Variants in CHN2 observed in about 807,000 individuals in gnomAD.
The protein encoded by CHN2 is beta-chimaerin.
Under a neutral mutation model 56.3 loss-of-function variants are expected in CHN2, and 35 were observed. The observed-to-expected ratio is 0.62, with a 90% confidence interval of 0.47 to 0.82. The LOEUF (loss-of-function observed/expected upper bound fraction) is 0.82, where lower values mean the gene tolerates loss of function less well. CHN2 is among the 40% of genes least tolerant of loss of function. The pLI is 0.00. For synonymous variants in CHN2, 210 were observed against 212.8 expected (o/e 0.99, Z 0.12); for missense variants, 491 against 580.5 (o/e 0.85, Z 1.58).
rs190194991 is a variant in CHN2 at position 29,212,925 on chromosome 7, G to C, written c.49+17935G>C. On this transcript the variant is annotated intron_variant, in intron 1 of 12. Coordinates refer to ENST00000222792, the MANE Select transcript of CHN2 (RefSeq NM_004067.4). ...GGAACAATTCATCCTGGAGCAACCA[G>C]ACCCAGAACATCTAGTGCTGGAGCA... The C allele has an allele frequency of 2.1e-4, 334 of 1,559,140 alleles. 2 individuals carry two copies. The African/African-American group carries it at 4.0e-3, about 19-fold the overall frequency.
At chr7:29,427,228 A>C (rs1804956898) in intron 6 of CHN2, among the ~76,000 whole-genome samples, 1 of 152,152 alleles carries the variant, frequency 6.6e-6, no homozygotes, top group Admixed American at 6.5e-5. Context: ...AGGCACAAGA[A>C]TCTCTTCAAC....
chr7:29,331,021 G>A (rs1343400987), intron 1 of CHN2, among the ~76,000 whole-genome samples: 1 of 152,216 alleles, frequency 6.6e-6, no homozygotes, highest in African/African-American at 2.4e-5. Flanking sequence ...CAGAGACAGA[G>A]TTATGGAAAA....
chr7:29,460,264 C>T (rs1434540319), intron 6 of CHN2, among the ~76,000 whole-genome samples: 1 of 152,160 alleles, frequency 6.6e-6, no homozygotes, highest in Non-Finnish European at 1.5e-5. Context: ...TCAAATAGAG[C>T]TTGCCACAGG....
At chr7:29,189,685 C>T (rs1053647765) in intron 2 of CHN2, among the ~76,000 whole-genome samples, 2 of 152,072 alleles carry the variant, frequency 1.3e-5, no homozygotes, top group African/African-American at 4.8e-5. Flanking sequence ...CTCTCGGCCC[C>T]CCACCCCCTA....
chr7:29,333,907 C>T (rs553612870), intron 1 of CHN2, among the ~76,000 whole-genome samples: 12 of 152,056 alleles, frequency 7.9e-5, no homozygotes, highest in African/African-American at 2.4e-4. Flanking sequence ...ATAGAAAATG[C>T]GCAGTGCTGT....
intron 1 of CHN2, among the ~76,000 whole-genome samples, chr7:29,303,793 C>T (rs917401172): frequency 4.6e-5 from 7 of 152,234 alleles, no homozygotes; most frequent in Non-Finnish European, 1.0e-4. Flanking sequence ...GGCATGGTGG[C>T]TCACGCTTGT....
intron 3 of CHN2, among the ~76,000 whole-genome samples, chr7:29,386,868 A>G (rs188043474): frequency 1.3e-5 from 2 of 152,356 alleles, no homozygotes; most frequent in Non-Finnish European, 2.9e-5. Context: ...TTCAAGAGAG[A>G]TTTTAAGGTC....
At chr7:29,318,625 T>C (rs1795126928) in intron 1 of CHN2, among the ~76,000 whole-genome samples, 1 of 152,136 alleles carries the variant, frequency 6.6e-6, no homozygotes, top group Non-Finnish European at 1.5e-5. Context: ...GTCACAGTCA[T>C]TTTTTTCCTG....
At chr7:29,374,400 T>TA (rs1799861385) in intron 3 of CHN2, among the ~76,000 whole-genome samples, 2 of 152,198 alleles carry the variant, frequency 1.3e-5, no homozygotes, top group East Asian at 1.9e-4. Context: ...GCTTTTTTTT[T>TA]AAAAACAAAA....
At chr7:29,238,259 C>T (rs1787359446) in intron 1 of CHN2, among the ~76,000 whole-genome samples, 1 of 151,950 alleles carries the variant, frequency 6.6e-6, no homozygotes, top group Non-Finnish European at 1.5e-5. Flanking sequence ...ACCTCAGGAT[C>T]CGCCTGCCTT....
chr7:29,355,125 T>C (rs1205636636), intron 2 of CHN2, among the ~76,000 whole-genome samples: 1 of 151,774 alleles, frequency 6.6e-6, no homozygotes, highest in Admixed American at 6.6e-5. Flanking sequence ...TGCGCCACCA[T>C]GCCCGGCTAA....
chr7:29,283,922 CTTTTTTTTTTTTTTTT>C (rs70980520), intron 1 of CHN2, among the ~76,000 whole-genome samples: 2 of 69,954 alleles, frequency 2.9e-5, no homozygotes, highest in Non-Finnish European at 5.2e-5. Context: ...CAGCCAAGCT[CTTTTTTTTTTTTTTTT>C]TTTTTTTTTT....
chr7:29,215,593 A>G (rs543177009), intron 1 of CHN2, among the ~76,000 whole-genome samples: 365 of 152,162 alleles, frequency 2.4e-3, no homozygotes, highest in African/African-American at 8.4e-3. Flanking sequence ...GCCAGGAATC[A>G]TTTACTTCTG....
At chr7:29,492,874 ACCAT>A (rs1271639458) in intron 7 of CHN2, among the ~76,000 whole-genome samples, 1 of 152,174 alleles carries the variant, frequency 6.6e-6, no homozygotes, top group Non-Finnish European at 1.5e-5. Context: ...AACATAATTG[ACCAT>A]TCATTCCCTA....
intron 2 of CHN2, among the ~76,000 whole-genome samples, chr7:29,178,187 G>A (rs1423591460): frequency 1.3e-5 from 2 of 152,106 alleles, no homozygotes; most frequent in East Asian, 1.9e-4. Flanking sequence ...CATAGCCACC[G>A]TGCACCCTGC....
chr7:29,481,012 A>G (rs1023081167), intron 7 of CHN2, among the ~76,000 whole-genome samples: 1 of 152,186 alleles, frequency 6.6e-6, no homozygotes, highest in African/African-American at 2.4e-5. Context: ...AAAGACCGCT[A>G]TGTTCGTTTC....
intron 6 of CHN2, among the ~76,000 whole-genome samples, chr7:29,440,402 G>A (rs1234588924): frequency 6.6e-6 from 1 of 152,078 alleles, no homozygotes; most frequent in Non-Finnish European, 1.5e-5. Flanking sequence ...ATTAAAGAGT[G>A]CACAGAGGCT....
chr7:29,282,762 C>T (rs532824214), intron 1 of CHN2, among the ~76,000 whole-genome samples: 4 of 151,960 alleles, frequency 2.6e-5, no homozygotes, highest in African/African-American at 4.8e-5. Flanking sequence ...GCAGTTTATA[C>T]TAACAAAAAG....
At chr7:29,340,246 TAATG>T (rs1367815151) in intron 1 of CHN2, among the ~76,000 whole-genome samples, 1 of 152,164 alleles carries the variant, frequency 6.6e-6, no homozygotes, top group African/African-American at 2.4e-5. Context: ...ATAACTGAAT[TAATG>T]AATTCAGGTA....
Sources: gnomAD v4.1 joint callset for allele counts (sites outside exome capture counted in the v4.1 genomes callset) on GRCh38, gnomAD v4.1.1 for gene constraint, MANE v1.5 for transcripts, NCBI Gene and HGNC (gene_info 2026-07-23, HGNC 2026-07-21) for gene names.